Variants in ARRB2 observed in about 807,000 individuals in gnomAD.
ARRB2 encodes the protein beta-arrestin-2.
ARRB2 carries 21 observed loss-of-function variants against 53.4 expected under a neutral mutation model. That is an observed-to-expected ratio of 0.39 (90% CI 0.28 to 0.57). ARRB2 has a LOEUF of 0.57. Among genes scored for constraint, ARRB2 ranks in the 20% least tolerant of loss-of-function variants. The probability of loss-of-function intolerance (pLI) is 0.55; values close to 1 mark genes in which losing one functional copy is unlikely to be tolerated. For synonymous variants in ARRB2, 180 were observed against 212.9 expected (o/e 0.85, Z 1.34); for missense variants, 369 against 527.5 (o/e 0.70, Z 2.94).
chr17:4,717,853 A>T lies in ARRB2; in HGVS notation c.486-35A>T. 1 of 1,613,290 alleles carries T rather than the reference A, an allele frequency of 6.2e-7. No homozygotes were observed. The highest frequency in any genetic ancestry group is 8.5e-7 in the Non-Finnish European group (1 of 1,179,682). On this transcript the variant is annotated intron_variant, in intron 7 of 14. Transcript: ENST00000269260. This position sits in a 1 kb window ranked among gnomAD's most constrained non-coding sequence, Gnocchi z 6.0. Reference sequence around the variant, plus strand: ...GGGAGGAGTAGGGTTGGGGTGTGTGAGGAATGACCCCTCCTGCCCCTACTC... The same window carrying T: ...GGGAGGAGTAGGGTTGGGGTGTGTGTGGAATGACCCCTCCTGCCCCTACTC...
Position 4,721,117 on chromosome 17 carries a change from G to C in ARRB2, c.*78G>C. The stretch of plus-strand genomic sequence containing the variant: ...ATTAAGATCCCCACTGTCAATGGGG[G>C]ATTGTCCCAGCCCCTCTTCCCTTCC... On this transcript the variant is annotated 3_prime_UTR_variant, in exon 15 of 15. Transcript: ENST00000269260. The surrounding 1 kb of genome is among the most constrained non-coding windows in gnomAD (Gnocchi z 4.2). The C allele has an allele frequency of 7.1e-7, 1 of 1,414,030 alleles. No individual in the cohort carries two copies. The highest frequency in any genetic ancestry group is 9.9e-7 in the Non-Finnish European group (1 of 1,008,748). The allele number at this position is 1,414,030 out of a possible 1,614,324, so 87.6% of individuals were successfully genotyped here. A position where few individuals can be genotyped will look rare whatever the true frequency, so the allele number is the denominator to read the frequency against.
Position 4,717,149 on chromosome 17 carries a change from G to A in ARRB2, c.358-68G>A. The A allele has an allele frequency of 6.5e-7, 1 of 1,547,392 alleles. No homozygotes were observed. The highest frequency in any genetic ancestry group is 8.9e-7 in the Non-Finnish European group (1 of 1,119,764). On this transcript the variant is annotated intron_variant, in intron 5 of 14. Coordinates refer to ENST00000269260, the MANE Select transcript of ARRB2 (RefSeq NM_004313.4). This position sits in a 1 kb window ranked among gnomAD's most constrained non-coding sequence, Gnocchi z 6.0. ...ACACCCAGCGTCTCCAGCCTCTTAGGTTGAGATTTGGAGGAAGATCTGGGG... is the reference window on the plus strand; with the variant it reads ...ACACCCAGCGTCTCCAGCCTCTTAGATTGAGATTTGGAGGAAGATCTGGGG...
In ARRB2 at chr17:4,711,270, C is replaced by G. The variant is rs531216870; in HGVS notation, c.23+526C>G. Among the ~76,000 whole-genome samples, 51 of 152,150 alleles carry G rather than the reference C, an allele frequency of 3.4e-4. 1 individual carries two copies. In the South Asian group the frequency reaches 0.01, roughly 30 times the overall value. On this transcript the variant is annotated intron_variant, in intron 1 of 14. Coordinates refer to ENST00000269260, the MANE Select transcript of ARRB2 (RefSeq NM_004313.4). ...AGCAACAGCTTCATCTTGGGGGAGC[C>G]GAGTGCGTGGCGACCCTCCCTGAAA...
chr17:4,719,194 T>C, intron 10 of ARRB2, 89 bp from the exon 11 acceptor site: 6 of 1,485,570 alleles, frequency 4.0e-6, no homozygotes, highest in African/African-American at 1.4e-5. Flanking sequence ...AAGGGACTAG[T>C]GAGGGGGAGA....
intron 11 of ARRB2, among the ~76,000 whole-genome samples, chr17:4,719,744 C>T (rs578106612): frequency 2.0e-5 from 3 of 152,232 alleles, no homozygotes; most frequent in Non-Finnish European, 4.4e-5. Flanking sequence ...AAAACAAAGA[C>T]TCAGAGGTGG....
intron 2 of ARRB2, chr17:4,715,492 CACACACATACACACAT>C (rs1457934991): frequency 0.033 from 5,775 of 172,888 alleles, 257 homozygotes; most frequent in African/African-American, 0.11. Flanking sequence ...CACAGACACA[CACACACATACACACAT>C]ACACACACAC....
intron 2 of ARRB2, chr17:4,715,486 G>GACACACAGAC (rs1914865539): frequency 7.5e-6 from 1 of 132,836 alleles, no homozygotes; most frequent in Admixed American, 1.0e-4. Flanking sequence ...CACACACACA[G>GACACACAGAC]ACACACACAC....
chr17:4,710,765 C>T, intron 1 of ARRB2, 21 bp downstream of exon 1: 1 of 371,602 alleles, frequency 2.7e-6, no homozygotes, highest in Non-Finnish European at 4.7e-6. Context: ...TGGGGCCACG[C>T]GGCGGGGCAT....
At chr17:4,716,960 G>A (rs149990727) in intron 5 of ARRB2, 6 of 585,850 alleles carry the variant, frequency 1.0e-5, no homozygotes, top group East Asian at 2.9e-5. Flanking sequence ...TCAGCCTCCC[G>A]AGTAGCTGGG....
chr17:4,718,476 C>T (rs1016462136), intron 9 of ARRB2, 131 bp downstream of exon 9: 6 of 1,268,076 alleles, frequency 4.7e-6, no homozygotes, highest in Non-Finnish European at 6.8e-6. Context: ...TAGGTTGTTC[C>T]ATAATGATAC....
At chr17:4,718,156 G>A (rs1915268217) in intron 8 of ARRB2, 105 bp from the exon 9 acceptor site, 10 of 1,550,238 alleles carry the variant, frequency 6.5e-6, no homozygotes, top group Middle Eastern at 3.4e-4. Context: ...GTGGGCTTGG[G>A]TTTGAGGGGA....
At chr17:4,713,762 C>G (rs1245405147) in intron 1 of ARRB2, among the ~76,000 whole-genome samples, 1 of 149,582 alleles carries the variant, frequency 6.7e-6, no homozygotes. Flanking sequence ...TCTACTCCAG[C>G]CTTGGTGATA....
chr17:4,720,384 C>T lies in ARRB2; in HGVS notation c.1002-9C>T, dbSNP rs760882889. Reference sequence around the variant, plus strand: ...TCGTCCTCTTCACGATGCCTCTCCCCTTCCCCAGGGATGTCTCTGTGGAGC... The same window carrying T: ...TCGTCCTCTTCACGATGCCTCTCCCTTTCCCCAGGGATGTCTCTGTGGAGC... On this transcript the variant is annotated splice_polypyrimidine_tract_variant and intron_variant, in intron 12 of 14. Coordinates refer to ENST00000269260, the MANE Select transcript of ARRB2 (RefSeq NM_004313.4). 5 of 1,613,850 alleles carry T rather than the reference C, an allele frequency of 3.1e-6. No individual in the cohort carries two copies. Among genetic ancestry groups the T allele is most frequent in the South Asian group, 2.2e-5 (2 of 91,060 alleles).
chr17:4,710,851 T>G, intron 1 of ARRB2, 107 bp downstream of exon 1: 1 of 384,030 alleles, frequency 2.6e-6, no homozygotes, highest in Non-Finnish European at 4.6e-6. Context: ...GCCGGACGCC[T>G]GGGTCCCTAG....
chr17:4,711,604 A>T (rs1336117323), intron 1 of ARRB2, among the ~76,000 whole-genome samples: 1 of 152,094 alleles, frequency 6.6e-6, no homozygotes, highest in Non-Finnish European at 1.5e-5. Context: ...AAAACATCAT[A>T]TCAACCCCAC....
At chr17:4,716,674 A>T (rs1309491661) in intron 5 of ARRB2, 66 bp downstream of exon 5, 2 of 1,529,250 alleles carry the variant, frequency 1.3e-6, no homozygotes, top group South Asian at 2.4e-5. Flanking sequence ...GGGTGGGGGT[A>T]AGGCACTGCT....
chr17:4,721,159 C>T lies in ARRB2; in HGVS notation c.*120C>T. On this transcript the variant is annotated 3_prime_UTR_variant, in exon 15 of 15. Transcript: ENST00000269260. The surrounding 1 kb of genome is among the most constrained non-coding windows in gnomAD (Gnocchi z 4.2). ...TTCCCTTCCCCTCACCTGGAAGCTT[C>T]TTCAACCAATCCCTTCACACTCTCT... 1 of 1,014,092 alleles carries T rather than the reference C, an allele frequency of 9.9e-7. No homozygotes were observed. The highest frequency in any genetic ancestry group is 1.5e-6 in the Non-Finnish European group (1 of 675,944). 62.8% of individuals were successfully genotyped at this position (1,014,092 alleles called of 1,614,324 possible). A position where few individuals can be genotyped will look rare whatever the true frequency, so the allele number is the denominator to read the frequency against.
At chr17:4,716,826 T>A in intron 5 of ARRB2, 1 of 806,570 alleles carries the variant, frequency 1.2e-6, no homozygotes, top group Non-Finnish European at 1.9e-6. Context: ...CAGGAGTCCT[T>A]TCTCCAGCCT....
chr17:4,716,596 C>A lies in ARRB2; in HGVS notation c.345C>A (p.Pro115=). ...LLRKLGQHAH[P]FFFTIPQNLP... is the part of the protein sequence containing the mutation. ...GGAAGCTGGGCCAGCATGCCCACCC[C>A]TTCTTCTTCACCGTGAGGATGCCCC... is the stretch of plus-strand genomic sequence containing the variant. The change falls in exon 5 of 15, where the codon CCC becomes CCA. Residue 115 remains proline, a synonymous_variant. Transcript: ENST00000269260. 1.3e-6 allele frequency: 2 copies of A among 1,572,336 alleles called. No homozygotes were observed. The highest frequency in any genetic ancestry group is 2.3e-5 in the South Asian group (2 of 86,276).
Sources: allele counts gnomAD v4.1 joint callset (sites outside exome capture counted in the v4.1 genomes callset), GRCh38; gene constraint gnomAD v4.1.1; non-coding constraint Gnocchi (gnomAD v3.1); transcripts MANE v1.5; gene names NCBI Gene and HGNC (gene_info 2026-07-23, HGNC 2026-07-21).